Variants in XRN2 observed in about 807,000 individuals in gnomAD.
The protein encoded by XRN2 is DHM1-like protein.
XRN2 carries 44 observed loss-of-function variants against 138.5 expected under a neutral mutation model. The ratio of observed to expected loss-of-function variants is 0.32; its 90% CI spans 0.25 to 0.41. The LOEUF is 0.41. XRN2 is among the 10% of genes least tolerant of loss of function. The probability of loss-of-function intolerance (pLI) is 1.00; values close to 1 mark genes in which losing one functional copy is unlikely to be tolerated. For synonymous variants in XRN2, 354 were observed against 369.4 expected (o/e 0.96, Z 0.48); for missense variants, 937 against 1,169.3 (o/e 0.80, Z 2.90).
chr20:21,330,476 T>C lies in XRN2; in HGVS notation c.428-5T>C. On this transcript the variant is annotated splice_polypyrimidine_tract_variant and splice_region_variant and intron_variant, in intron 4 of 29. Transcript: ENST00000377191. Reference sequence around the variant, plus strand: ...GGAGAACAAAACGTTGCCTCTTTTCTCTAGGTGGCTTTCTTCCTCCAGAAG... The same window carrying C: ...GGAGAACAAAACGTTGCCTCTTTTCCCTAGGTGGCTTTCTTCCTCCAGAAG... The C allele has an allele frequency of 6.2e-7, 1 of 1,613,430 alleles. No homozygotes were observed. Among genetic ancestry groups the C allele is most frequent in the Non-Finnish European group, 8.5e-7 (1 of 1,179,910 alleles).
At chr20:21,328,531 T>C in intron 3 of XRN2, 28 bp from the exon 4 acceptor site, 2 of 1,589,150 alleles carry the variant, frequency 1.3e-6, no homozygotes, top group Non-Finnish European at 1.7e-6. Flanking sequence ...TTTTGATGAG[T>C]GTTATGGAAT....
In XRN2 at chr20:21,379,023, G is replaced by GTC. The variant is rs139578796; in HGVS notation, c.2585-2970_2585-2969dup. Among the ~76,000 whole-genome samples, 1,258 of 152,298 alleles carry GTC rather than the reference G, an allele frequency of 8.3e-3. 5 individuals are homozygous for GTC. The highest frequency in any genetic ancestry group is 0.014 in the Non-Finnish European group (936 of 68,028). ...TCTCTTCATTTTAGTCTGTAAACTT[G>GTC]TCAATTAGCCACGTTGAAAAGTGAT... is the stretch of plus-strand genomic sequence containing the variant. On this transcript the variant is annotated intron_variant, in intron 27 of 29. Coordinates refer to ENST00000377191, the MANE Select transcript of XRN2 (RefSeq NM_012255.5).
chr20:21,315,184 C>T (rs902108945), intron 1 of XRN2, among the ~76,000 whole-genome samples: 3 of 152,206 alleles, frequency 2.0e-5, no homozygotes, highest in African/African-American at 7.2e-5. Flanking sequence ...AGGAGCAAGG[C>T]TGGACATTTT....
At chr20:21,349,119 G>T (rs921573203) in intron 19 of XRN2, among the ~76,000 whole-genome samples, 2 of 152,180 alleles carry the variant, frequency 1.3e-5, no homozygotes. Context: ...GTTAGAGTAC[G>T]TAAACCCTTT....
rs1422082745 is a variant in XRN2 at position 21,386,878 on chromosome 20, G to C, written c.2659G>C (p.Ala887Pro). 2 of 1,612,454 alleles carry C rather than the reference G, an allele frequency of 1.2e-6. No individual in the cohort carries two copies. The highest frequency in any genetic ancestry group is 2.7e-5 in the African/African-American group (2 of 74,898). ...GGTACTTTCCTACAGAGGCGTTGGG[G>C]CTGAACCTCTGCTCCCATGGAACCG... ...QQQRFDRGVG[A>P]EPLLPWNRML... Residue 887 changes from alanine (A) to proline (P), a missense_variant, in exon 29 of 30, where the codon GCT becomes CCT. By Grantham distance (27) the Ala-to-Pro change is conservative. Coordinates refer to ENST00000377191, the MANE Select transcript of XRN2 (RefSeq NM_012255.5).
At chr20:21,316,829 A>G (rs1204128801) in intron 1 of XRN2, among the ~76,000 whole-genome samples, 2 of 152,230 alleles carry the variant, frequency 1.3e-5, no homozygotes, top group African/African-American at 2.4e-5. Context: ...TTTTCAAAAT[A>G]TAAATTTCGT....
At chr20:21,350,213 A>G (rs539449429) in intron 20 of XRN2, among the ~76,000 whole-genome samples, 1 of 152,314 alleles carries the variant, frequency 6.6e-6, no homozygotes, top group African/African-American at 2.4e-5. Flanking sequence ...TGTAATGATG[A>G]TTGAATGTAA....
intron 28 of XRN2, among the ~76,000 whole-genome samples, chr20:21,383,602 G>A (rs188304463): frequency 1.1e-3 from 168 of 152,238 alleles, no homozygotes; most frequent in African/African-American, 3.9e-3. Context: ...TACTCTGAGC[G>A]TAATATAAAG....
intron 1 of XRN2, among the ~76,000 whole-genome samples, chr20:21,305,455 A>C (rs535549940): frequency 1.8e-4 from 26 of 147,166 alleles, no homozygotes; most frequent in African/African-American, 6.5e-4. Flanking sequence ...GAGTTTTGCC[A>C]TGTTGGTCAG....
At chr20:21,348,564 A>G in intron 19 of XRN2, 134 bp downstream of exon 19, 1 of 780,070 alleles carries the variant, frequency 1.3e-6, no homozygotes, top group Non-Finnish European at 2.1e-6. Flanking sequence ...CTCCAAACAC[A>G]CATATATTTC....
intron 1 of XRN2, among the ~76,000 whole-genome samples, chr20:21,314,993 T>G (rs1375377571): frequency 6.6e-6 from 1 of 152,148 alleles, no homozygotes; most frequent in Non-Finnish European, 1.5e-5. Context: ...GGGGCCACAC[T>G]TACATGGCGG....
At position 21,365,493 on chromosome 20, in the gene XRN2, A is replaced by G. The variant is rs1462341332; in HGVS notation, c.2324+4A>G. ...CTGTAATGCTTCCAGGAGCAAGGTA[A>G]CAACAGTAAATTACCTAGATTTATT... On this transcript the variant is annotated splice_donor_region_variant and intron_variant, in intron 25 of 29. Transcript: ENST00000377191. 3 of 1,613,750 alleles carry G rather than the reference A, an allele frequency of 1.9e-6. No homozygotes were observed. The highest frequency in any genetic ancestry group is 1.3e-5 in the African/African-American group (1 of 74,910).
intron 1 of XRN2, among the ~76,000 whole-genome samples, chr20:21,316,946 A>G (rs1215575372): frequency 1.3e-5 from 2 of 152,170 alleles, no homozygotes; most frequent in Non-Finnish European, 2.9e-5. Flanking sequence ...ATTGATTTTT[A>G]TATATTGATT....
intron 17 of XRN2, among the ~76,000 whole-genome samples, chr20:21,347,562 A>G (rs2038452197): frequency 1.3e-5 from 2 of 152,256 alleles, no homozygotes; most frequent in African/African-American, 4.8e-5. Flanking sequence ...CTCACTAGAC[A>G]CTGTCTTAAC....
chr20:21,369,069 C>T (rs936996611), intron 27 of XRN2, among the ~76,000 whole-genome samples: 1 of 152,090 alleles, frequency 6.6e-6, no homozygotes, highest in Non-Finnish European at 1.5e-5. Context: ...TCCCCTACTA[C>T]CCTTCCCAGC....
chr20:21,354,057 C>A (rs147940021), intron 20 of XRN2, among the ~76,000 whole-genome samples: 2 of 151,978 alleles, frequency 1.3e-5, no homozygotes, highest in African/African-American at 4.8e-5. Context: ...AAAATATATA[C>A]GCTTCAATAA....
chr20:21,386,796 T>C, intron 28 of XRN2, 72 bp from the exon 29 acceptor site: 1 of 1,537,792 alleles, frequency 6.5e-7, no homozygotes, highest in South Asian at 1.2e-5. Flanking sequence ...TTGGAGATGA[T>C]ACCTGCCGAT....
chr20:21,336,083 T>A (rs1453229952), intron 13 of XRN2, among the ~76,000 whole-genome samples: 1 of 152,148 alleles, frequency 6.6e-6, no homozygotes, highest in African/African-American at 2.4e-5. Context: ...ACCCAGGTGG[T>A]CTTCTGTTTG....
At position 21,344,214 on chromosome 20, in the gene XRN2, G is replaced by A. The variant is rs2038407624; in HGVS notation, c.1529+6G>A. The A allele has an allele frequency of 6.2e-7, 1 of 1,607,226 alleles. No homozygotes were observed. Among genetic ancestry groups the A allele is most frequent in the Admixed American group, 1.7e-5 (1 of 59,854 alleles). ...GAGCCAGAGGATAATGTCAGGTGAA[G>A]CCATTTTTTGGTAGCACTTTGTTAG... On this transcript the variant is annotated splice_donor_region_variant and intron_variant, in intron 16 of 29. Coordinates refer to ENST00000377191, the MANE Select transcript of XRN2 (RefSeq NM_012255.5).
Sources: gnomAD v4.1 joint callset for allele counts (sites outside exome capture counted in the v4.1 genomes callset) on GRCh38, gnomAD v4.1.1 for gene constraint, MANE v1.5 for transcripts, NCBI Gene and HGNC (gene_info 2026-07-23, HGNC 2026-07-21) for gene names.